The following TTC27 variants were observed in gnomAD, a reference collection of about 807,000 sequenced individuals.
The protein encoded by TTC27 is tetratricopeptide repeat domain 27, also known as tetratricopeptide repeat protein 27.
A neutral mutation model predicts 115.9 loss-of-function variants in TTC27; 79 were observed. The ratio of observed to expected loss-of-function variants is 0.68; its 90% CI spans 0.57 to 0.82. The LOEUF is 0.82. Among genes scored for constraint, TTC27 ranks in the 40% least tolerant of loss-of-function variants. The pLI, the probability that TTC27 is intolerant of heterozygous loss-of-function variation, is 0.00. For synonymous variants in TTC27, 401 were observed against 356.0 expected (o/e 1.13, Z -1.42); for missense variants, 1,054 against 993.1 (o/e 1.06, Z -0.82).
chr2:32,654,205 C>T (rs999961361), intron 5 of TTC27, among the ~76,000 whole-genome samples: 1 of 152,324 alleles, frequency 6.6e-6, no homozygotes, highest in South Asian at 2.1e-4. Flanking sequence ...CTGACACTTT[C>T]CCTTGCTTTT....
At chr2:32,747,888 A>G (rs1668882584) in intron 12 of TTC27, among the ~76,000 whole-genome samples, 1 of 151,892 alleles carries the variant, frequency 6.6e-6, no homozygotes, top group Admixed American at 6.6e-5. Context: ...TTCTAATTTT[A>G]GTAATTTGAT....
At chr2:32,646,557 G>GT (rs369232306) in intron 4 of TTC27, among the ~76,000 whole-genome samples, 67,657 of 114,460 alleles carry the variant, frequency 0.59, 22,120 homozygotes, top group East Asian at 0.8. Flanking sequence ...TCTATATTTG[G>GT]TTTTTTTTTT....
chr2:32,683,229 A>T (rs1666503757), intron 9 of TTC27, among the ~76,000 whole-genome samples: 2 of 151,906 alleles, frequency 1.3e-5, no homozygotes, highest in African/African-American at 4.8e-5. Context: ...ACCTCAGGTG[A>T]TGCACCCACC....
chr2:32,685,787 A>C (rs991859670), intron 9 of TTC27, among the ~76,000 whole-genome samples: 2 of 152,222 alleles, frequency 1.3e-5, no homozygotes, highest in Non-Finnish European at 2.9e-5. Flanking sequence ...TTCCCCCTTA[A>C]GCTCAGAAAA....
intron 12 of TTC27, among the ~76,000 whole-genome samples, chr2:32,754,874 G>T (rs1165227445): frequency 6.7e-6 from 1 of 150,186 alleles, no homozygotes; most frequent in Non-Finnish European, 1.5e-5. Context: ...AGGCGGGGGG[G>T]CTGACCCCCC....
rs377317849 is a variant in TTC27 at position 32,650,160 on chromosome 2, G to C, written c.567G>C (p.Val189=). 1.2e-6 allele frequency: 2 copies of C among 1,613,660 alleles called. No individual in the cohort carries two copies. Among genetic ancestry groups the C allele is most frequent in the African/African-American group, 2.7e-5 (2 of 74,898 alleles). Residue 189 remains valine (V), a synonymous_variant, in exon 5 of 20, where the codon GTG becomes GTC. Coordinates refer to ENST00000317907, the MANE Select transcript of TTC27 (RefSeq NM_017735.5). The part of the protein sequence containing the change: ...QSLPWWTLRC[V]NIHQHLLEER... The stretch of plus-strand genomic sequence containing the variant: ...TGCCATGGTGGACTTTGAGATGTGT[G>C]AATATTCATCAGCATTTGCTTGAGG...
At chr2:32,687,043 C>T (rs1666656008) in intron 9 of TTC27, among the ~76,000 whole-genome samples, 1 of 152,056 alleles carries the variant, frequency 6.6e-6, no homozygotes, top group South Asian at 2.1e-4. Flanking sequence ...TGGGGTTTCA[C>T]TGTGTTGGCC....
chr2:32,786,758 G>A (rs1378195240), intron 15 of TTC27, among the ~76,000 whole-genome samples: 1 of 152,090 alleles, frequency 6.6e-6, no homozygotes, highest in Non-Finnish European at 1.5e-5. Context: ...AAATAGATTA[G>A]GAAAGGAATA....
At chr2:32,776,760 C>T (rs1327574736) in intron 13 of TTC27, among the ~76,000 whole-genome samples, 3 of 152,074 alleles carry the variant, frequency 2.0e-5, no homozygotes, top group African/African-American at 4.8e-5. Context: ...AGGTGCACAC[C>T]GTCATGTCCG....
chr2:32,696,385 G>T (rs1469682289), intron 9 of TTC27, among the ~76,000 whole-genome samples: 1 of 151,688 alleles, frequency 6.6e-6, no homozygotes, highest in African/African-American at 2.4e-5. Context: ...CACCTCCTGG[G>T]TTCAAGCACT....
intron 13 of TTC27, among the ~76,000 whole-genome samples, chr2:32,762,275 A>ATGTGTGTGTG (rs1669462953): frequency 9.1e-6 from 1 of 109,396 alleles, no homozygotes; most frequent in Non-Finnish European, 1.9e-5. Context: ...ACACAGAGAG[A>ATGTGTGTGTG]AGTGTGTGTG....
rs201485572 is a variant in TTC27, at chr2:32,682,021, T to G, written c.1119+3099T>G. Among the ~76,000 whole-genome samples the G allele has an allele frequency of 2.0e-5, 3 of 148,418 alleles. No individual in the cohort carries two copies. In the East Asian group the frequency reaches 5.8e-4, roughly 29 times the overall value. ...GTGTGTGTGTGTGTGTGTGTGTGTG[T>G]GTGTGTATGTCTTTTCCTTACAAGA... On this transcript the variant is annotated intron_variant, in intron 9 of 19. Coordinates refer to ENST00000317907, the MANE Select transcript of TTC27 (RefSeq NM_017735.5).
chr2:32,740,398 T>C (rs1178463895), intron 12 of TTC27, among the ~76,000 whole-genome samples: 1 of 152,016 alleles, frequency 6.6e-6, no homozygotes, highest in African/African-American at 2.4e-5. Context: ...AATGTTGTAT[T>C]TCTAAAACAG....
intron 9 of TTC27, among the ~76,000 whole-genome samples, chr2:32,686,728 C>T (rs553068085): frequency 2.6e-5 from 4 of 152,054 alleles, no homozygotes; most frequent in Admixed American, 6.6e-5. Context: ...GGGCAAGGTG[C>T]GAAAACAAAA....
intron 13 of TTC27, among the ~76,000 whole-genome samples, chr2:32,776,449 A>G (rs1670000355): frequency 6.6e-6 from 1 of 152,200 alleles, no homozygotes; most frequent in Non-Finnish European, 1.5e-5. Context: ...GTCCAAGTAA[A>G]TCTGACAGCT....
At chr2:32,768,825 G>C (rs1471988008) in intron 13 of TTC27, among the ~76,000 whole-genome samples, 1 of 152,180 alleles carries the variant, frequency 6.6e-6, no homozygotes, top group East Asian at 1.9e-4. Context: ...GGAGACGTTG[G>C]AATCAGAGAG....
intron 16 of TTC27, 152 bp downstream of exon 16, chr2:32,787,301 A>G: frequency 1.2e-6 from 1 of 833,420 alleles, no homozygotes; most frequent in Non-Finnish European, 1.8e-6. Flanking sequence ...AATATTCTTC[A>G]TGATATATAG....
In TTC27 at chr2:32,792,015, G is replaced by A. The variant is rs372017343; in HGVS notation, c.1998+4866G>A. 8.9e-4 allele frequency among the ~76,000 whole-genome samples: 135 copies of A among 152,236 alleles called. 1 individual carries two copies. In the East Asian group the frequency reaches 0.015, roughly 17 times the overall value. Reference sequence around the variant, plus strand: ...GAAAGTTCTCTTACATGCATTTCCAGTCAGTTGAAACACCACCTCTTTCCC... The same window carrying A: ...GAAAGTTCTCTTACATGCATTTCCAATCAGTTGAAACACCACCTCTTTCCC... On this transcript the variant is annotated intron_variant, in intron 16 of 19. Coordinates refer to ENST00000317907, the MANE Select transcript of TTC27 (RefSeq NM_017735.5).
intron 16 of TTC27, among the ~76,000 whole-genome samples, chr2:32,797,185 A>C (rs1295934129): frequency 1.3e-5 from 2 of 151,248 alleles, no homozygotes; most frequent in Non-Finnish European, 3.0e-5. Context: ...AAAAAAAAAA[A>C]AAAAAAGAGA....
Sources: gnomAD v4.1 joint callset for allele counts (sites outside exome capture counted in the v4.1 genomes callset) on GRCh38, gnomAD v4.1.1 for gene constraint, MANE v1.5 for transcripts, NCBI Gene and HGNC (gene_info 2026-07-23, HGNC 2026-07-21) for gene names.